Variants in ADAM32 observed in about 807,000 individuals in gnomAD.
The protein encoded by ADAM32 is ADAM metallopeptidase domain 32.
A neutral mutation model predicts 114.9 loss-of-function variants in ADAM32; 89 were observed. That is an observed-to-expected ratio of 0.77 (90% CI 0.65 to 0.92). ADAM32 has a LOEUF of 0.92. Ranked by LOEUF, ADAM32 falls within the 40% of genes least tolerant of loss-of-function variation. The pLI, the probability that ADAM32 is intolerant of heterozygous loss-of-function variation, is 0.00. For synonymous variants in ADAM32, 285 were observed against 307.5 expected, an observed-to-expected ratio of 0.93 and a Z score of 0.77; for missense variants, 870 against 932.8, an observed-to-expected ratio of 0.93 and a Z score of 0.88.
intron 11 of ADAM32, among the ~76,000 whole-genome samples, chr8:39,208,742 T>C (rs1808017688): frequency 6.6e-6 from 1 of 152,202 alleles, no homozygotes; most frequent in East Asian, 1.9e-4. Flanking sequence ...AAGGTTTCCA[T>C]AGAGAATTCT....
intron 14 of ADAM32, 68 bp from the exon 15 acceptor site, chr8:39,231,959 A>G: frequency 8.2e-7 from 1 of 1,220,408 alleles, no homozygotes; most frequent in Non-Finnish European, 1.2e-6. Flanking sequence ...GGAATATTAT[A>G]TGAAGAAATG....
chr8:39,248,490 G>C (rs1811076358), intron 17 of ADAM32, among the ~76,000 whole-genome samples: 1 of 152,020 alleles, frequency 6.6e-6, no homozygotes, highest in Non-Finnish European at 1.5e-5. Context: ...AGTTTCATTT[G>C]TTCGTTGCTG....
intron 10 of ADAM32, among the ~76,000 whole-genome samples, chr8:39,180,599 G>C (rs1209026790): frequency 2.0e-5 from 3 of 152,246 alleles, no homozygotes; most frequent in Non-Finnish European, 2.9e-5. Flanking sequence ...TCCTGAGTCT[G>C]GTGGGGAGGT....
At chr8:39,131,954 C>A in intron 2 of ADAM32, 1 of 281,158 alleles carries the variant, frequency 3.6e-6, no homozygotes, top group Non-Finnish European at 7.4e-6. Flanking sequence ...AGTGTAGTGG[C>A]ACGATCTCGG....
intron 6 of ADAM32, among the ~76,000 whole-genome samples, chr8:39,159,119 T>C (rs1472968687): frequency 1.3e-5 from 2 of 152,226 alleles, no homozygotes; most frequent in Admixed American, 1.3e-4. Context: ...TATTTTGATG[T>C]GGTAATGCTG....
intron 7 of ADAM32, among the ~76,000 whole-genome samples, 160 bp from the exon 8 acceptor site, chr8:39,164,604 A>G (rs562480273): frequency 1.3e-5 from 2 of 152,318 alleles, no homozygotes; most frequent in African/African-American, 4.8e-5. Context: ...TCAGCAATGC[A>G]TGAGGGATCC....
chr8:39,276,016 T>C, intron 22 of ADAM32, 150 bp downstream of exon 22: 2 of 580,532 alleles, frequency 3.4e-6, no homozygotes, highest in Non-Finnish European at 5.7e-6. Flanking sequence ...TATTTGCTGA[T>C]CTAGTAACTT....
At chr8:39,259,948 A>G (rs1173639368) in intron 19 of ADAM32, among the ~76,000 whole-genome samples, 1 of 152,190 alleles carries the variant, frequency 6.6e-6, no homozygotes, top group African/African-American at 2.4e-5. Flanking sequence ...GTATGCATTC[A>G]TTTATGTGTG....
At chr8:39,218,981 T>C (rs1808767158) in intron 12 of ADAM32, among the ~76,000 whole-genome samples, 1 of 151,986 alleles carries the variant, frequency 6.6e-6, no homozygotes, top group Admixed American at 6.6e-5. Flanking sequence ...AGTAGGTGAT[T>C]GATCCTTCCC....
Position 39,130,760 on chromosome 8 carries a change from T to G in ADAM32, c.139-5897T>G, listed in dbSNP as rs1802395465. On this transcript the variant is annotated intron_variant, in intron 2 of 24. Transcript: ENST00000379907. ...TCAATTGAAGCAAAAAATGTACTTT[T>G]GTGACTTCAGTTTTATTTTCTGAGA... 5 of 380,530 alleles carry G rather than the reference T, an allele frequency of 1.3e-5. No homozygotes were observed. The East Asian group carries it at 2.7e-4, about 20-fold the overall frequency. The allele number at this position is 380,530 out of a possible 1,614,324, so 23.6% of individuals were successfully genotyped here.
chr8:39,194,502 G>T (rs79584128), intron 11 of ADAM32, among the ~76,000 whole-genome samples: 4,062 of 152,264 alleles, frequency 0.027, 203 homozygotes, highest in African/African-American at 0.092. Context: ...CCATGGGTGA[G>T]TGTGTATAGG....
intron 4 of ADAM32, among the ~76,000 whole-genome samples, chr8:39,147,958 A>G (rs547798946): frequency 3.3e-4 from 50 of 151,918 alleles, no homozygotes; most frequent in African/African-American, 1.2e-3. Context: ...TCTAAACCCT[A>G]TCAAGAGATA....
intron 12 of ADAM32, among the ~76,000 whole-genome samples, chr8:39,214,822 G>A (rs1381828197): frequency 6.6e-6 from 1 of 152,080 alleles, no homozygotes. Context: ...ATAGTTTGAG[G>A]TGTTAGATTT....
chr8:39,119,552 AT>A (rs1365712515), intron 2 of ADAM32, among the ~76,000 whole-genome samples: 1 of 152,128 alleles, frequency 6.6e-6, no homozygotes, highest in Non-Finnish European at 1.5e-5. Flanking sequence ...CTGTTTTAAA[AT>A]TTAGTTGTTT....
At chr8:39,233,524 C>G (rs1809886957) in intron 15 of ADAM32, among the ~76,000 whole-genome samples, 1 of 152,114 alleles carries the variant, frequency 6.6e-6, no homozygotes, top group Non-Finnish European at 1.5e-5. Flanking sequence ...TGACTGGCCT[C>G]TTTATCTTAA....
intron 2 of ADAM32, among the ~76,000 whole-genome samples, chr8:39,121,828 C>T (rs994720938): frequency 2.0e-5 from 3 of 152,156 alleles, no homozygotes; most frequent in African/African-American, 4.8e-5. Context: ...GGGATGGGGC[C>T]AGTCCCTAGG....
At position 39,274,356 on chromosome 8, in the gene ADAM32, T is replaced by C. The variant is rs1812940488; in HGVS notation, c.2240+6T>C. ...ACTCAGACATATGCCAGCCAGTAAGTAGGTTAGAAGAGGTTTTTAAGATAC... is the reference window on the plus strand; with the variant it reads ...ACTCAGACATATGCCAGCCAGTAAGCAGGTTAGAAGAGGTTTTTAAGATAC... On this transcript the variant is annotated splice_donor_region_variant and intron_variant, in intron 21 of 24. Transcript: ENST00000379907. The C allele has an allele frequency of 1.2e-6, 2 of 1,612,684 alleles. No individual in the cohort carries two copies. Among genetic ancestry groups the C allele is most frequent in the African/African-American group, 1.3e-5 (1 of 74,974 alleles).
At chr8:39,109,981 T>TGTA (rs1373818021) in intron 1 of ADAM32, among the ~76,000 whole-genome samples, 1 of 148,642 alleles carries the variant, frequency 6.7e-6, no homozygotes, top group African/African-American at 2.4e-5. Flanking sequence ...TGAAATCATA[T>TGTA]GTAGCCATTT....
At chr8:39,255,387 TC>T (rs1811591275) in intron 18 of ADAM32, among the ~76,000 whole-genome samples, 1 of 151,948 alleles carries the variant, frequency 6.6e-6, no homozygotes, top group African/African-American at 2.4e-5. Context: ...CATGCCAACA[TC>T]TATTATTTTT....
Sources: allele counts gnomAD v4.1 joint callset (sites outside exome capture counted in the v4.1 genomes callset), GRCh38; gene constraint gnomAD v4.1.1; transcripts MANE v1.5; gene names NCBI Gene and HGNC (gene_info 2026-07-23, HGNC 2026-07-21).